SMYD2: variants seen among roughly 807,000 people sequenced by gnomAD.
The protein encoded by SMYD2 is N-lysine methyltransferase SMYD2.
SMYD2 carries 53 observed loss-of-function variants against 59.1 expected under a neutral mutation model. The observed-to-expected ratio is 0.90, with a 90% CI of 0.72 to 1.13. The LOEUF (loss-of-function observed/expected upper bound fraction) is 1.13, where lower values mean the gene tolerates loss of function less well. Among genes scored for constraint, SMYD2 ranks in the 50% most tolerant of loss-of-function variants. The probability of loss-of-function intolerance (pLI) is 0.00; values close to 1 mark genes in which losing one functional copy is unlikely to be tolerated. For missense variants in SMYD2, 494 were observed against 544.7 expected, an observed-to-expected ratio of 0.91 and a Z score of 0.93; for synonymous variants, 208 against 198.8, an observed-to-expected ratio of 1.05 and a Z score of -0.39.
rs187801137 is a variant in SMYD2 at position 214,305,351 on chromosome 1, A to G, written c.237+101A>G. On this transcript the variant is annotated intron_variant, in intron 2 of 11. Transcript: ENST00000366957. ...GCGCCCTCCTGGAGCCAGAGCTGGA[A>G]AGCATAGGATGTGGCTGGATATCCT... 7.7e-6 allele frequency: 9 copies of G among 1,162,860 alleles called. No individual in the cohort carries two copies. The Admixed American group carries it at 1.6e-4, about 20-fold the overall frequency. 72.0% of individuals were successfully genotyped at this position (1,162,860 alleles called of 1,614,324 possible). A position where few individuals can be genotyped will look rare whatever the true frequency, so the allele number is the denominator to read the frequency against.
intron 6 of SMYD2, among the ~76,000 whole-genome samples, chr1:214,324,958 T>A (rs1403608352): frequency 1.3e-5 from 2 of 152,256 alleles, no homozygotes; most frequent in African/African-American, 4.8e-5. Context: ...GAATATTTTA[T>A]AGCGCGCATA....
chr1:214,284,162 C>T (rs542286491), intron 1 of SMYD2, among the ~76,000 whole-genome samples: 2 of 151,654 alleles, frequency 1.3e-5, no homozygotes, highest in East Asian at 1.9e-4. Flanking sequence ...GGAAGCTGTC[C>T]CTATCAGACT....
chr1:214,288,918 G>A (rs1049640670), intron 1 of SMYD2, among the ~76,000 whole-genome samples: 4 of 149,158 alleles, frequency 2.7e-5, no homozygotes, highest in Non-Finnish European at 5.9e-5. Context: ...CCGTGTGATA[G>A]GGCAGCATCA....
At chr1:214,292,644 C>T (rs1656655521) in intron 1 of SMYD2, among the ~76,000 whole-genome samples, 1 of 152,188 alleles carries the variant, frequency 6.6e-6, no homozygotes, top group Admixed American at 6.5e-5. Context: ...CATCACCTCT[C>T]TTAATATGCA....
chr1:214,299,328 G>GTA (rs1357420680), intron 1 of SMYD2, among the ~76,000 whole-genome samples: 1 of 152,062 alleles, frequency 6.6e-6, no homozygotes, highest in African/African-American at 2.4e-5. Context: ...CCTTTACTGG[G>GTA]TATATACCCA....
chr1:214,334,470 G>A (rs758402674), intron 11 of SMYD2, among the ~76,000 whole-genome samples, 162 bp downstream of exon 11: 3 of 152,154 alleles, frequency 2.0e-5, no homozygotes, highest in African/African-American at 7.2e-5. Flanking sequence ...TGCAGGTGAG[G>A]GGGGAGTGAG....
At chr1:214,303,605 TG>T (rs944635244) in intron 1 of SMYD2, among the ~76,000 whole-genome samples, 1 of 152,244 alleles carries the variant, frequency 6.6e-6, no homozygotes, top group Non-Finnish European at 1.5e-5. Context: ...GTCTGCTTCT[TG>T]GAATCCAAGT....
At chr1:214,281,467 G>T in intron 1 of SMYD2, 40 bp downstream of exon 1, 1 of 1,331,510 alleles carries the variant, frequency 7.5e-7, no homozygotes, top group Non-Finnish European at 9.6e-7. Flanking sequence ...GGGAGCCGGG[G>T]GCGCCGAGCG....
chr1:214,308,169 C>G (rs1472666234), intron 2 of SMYD2, among the ~76,000 whole-genome samples: 1 of 152,124 alleles, frequency 6.6e-6, no homozygotes, highest in Non-Finnish European at 1.5e-5. Context: ...GACCAAAGTA[C>G]CCTCCTAGGA....
chr1:214,303,906 G>A (rs1465292644), intron 1 of SMYD2, among the ~76,000 whole-genome samples: 1 of 152,250 alleles, frequency 6.6e-6, no homozygotes, highest in African/African-American at 2.4e-5. Flanking sequence ...CACAAGTCCA[G>A]AAGCTGGCTT....
At chr1:214,335,649 T>C (rs536990710) in intron 11 of SMYD2, among the ~76,000 whole-genome samples, 4 of 152,358 alleles carry the variant, frequency 2.6e-5, no homozygotes, top group South Asian at 2.1e-4. Flanking sequence ...ACATTTGATA[T>C]AAACTTCCTG....
At chr1:214,333,658 A>G (rs1448603880) in intron 10 of SMYD2, 4 of 152,676 alleles carry the variant, frequency 2.6e-5, no homozygotes, top group African/African-American at 9.6e-5. Context: ...CAATGGGGAA[A>G]GAACATCCAG....
intron 1 of SMYD2, among the ~76,000 whole-genome samples, chr1:214,301,058 C>A (rs898493519): frequency 6.6e-6 from 1 of 152,124 alleles, no homozygotes; most frequent in African/African-American, 2.4e-5. Flanking sequence ...GAAATATCTT[C>A]CAAAACAAAA....
chr1:214,317,706 G>GT (rs1374560643), intron 3 of SMYD2, among the ~76,000 whole-genome samples: 3 of 152,184 alleles, frequency 2.0e-5, no homozygotes, highest in African/African-American at 7.2e-5. Context: ...TGGATGGGGG[G>GT]TTTGATTTTG....
chr1:214,304,002 AG>A (rs1287500487), intron 1 of SMYD2, among the ~76,000 whole-genome samples: 1 of 152,230 alleles, frequency 6.6e-6, no homozygotes, highest in East Asian at 1.9e-4. Flanking sequence ...TTGGGAAAAA[AG>A]TAAAGAGTTT....
intron 3 of SMYD2, among the ~76,000 whole-genome samples, chr1:214,316,627 A>C (rs748662804): frequency 1.3e-5 from 2 of 152,164 alleles, no homozygotes; most frequent in African/African-American, 4.8e-5. Flanking sequence ...ATCTGTCCCC[A>C]GACCAAGTTA....
chr1:214,320,559 G>C lies in SMYD2; in HGVS notation c.534+1576G>C, dbSNP rs1012392813. On this transcript the variant is annotated intron_variant, in intron 5 of 11. Coordinates refer to ENST00000366957, the MANE Select transcript of SMYD2 (RefSeq NM_020197.3). ...GAGGATCACTTGAGCCCAAGAGTTC[G>C]AGGCTGCAGTAAGCTGTGATCAAAC... Among the ~76,000 whole-genome samples the C allele has an allele frequency of 2.0e-5, 3 of 152,192 alleles. No individual in the cohort carries two copies. The South Asian group carries it at 6.2e-4, about 32-fold the overall frequency.
chr1:214,301,503 TA>T (rs1656822590), intron 1 of SMYD2, among the ~76,000 whole-genome samples: 2 of 152,330 alleles, frequency 1.3e-5, no homozygotes, highest in South Asian at 4.1e-4. Context: ...TGACTCATTT[TA>T]TCAAACCATA....
At chr1:214,296,242 A>G (rs1372460221) in intron 1 of SMYD2, among the ~76,000 whole-genome samples, 1 of 152,218 alleles carries the variant, frequency 6.6e-6, no homozygotes, top group Non-Finnish European at 1.5e-5. Context: ...GTTGATCTTC[A>G]TGGTTTCCGA....
Sources: gnomAD v4.1 joint callset for allele counts (sites outside exome capture counted in the v4.1 genomes callset) on GRCh38, gnomAD v4.1.1 for gene constraint, MANE v1.5 for transcripts, NCBI Gene and HGNC (gene_info 2026-07-23, HGNC 2026-07-21) for gene names.